Variants in TLE2 observed in about 807,000 individuals in gnomAD.
The protein encoded by TLE2 is TLE family member 2, transcriptional corepressor.
A neutral mutation model predicts 97.2 loss-of-function variants in TLE2; 74 were observed. That is an observed-to-expected ratio of 0.76 (90% CI 0.63 to 0.92). TLE2 has a LOEUF of 0.92. Among genes scored for constraint, TLE2 ranks in the 40% least tolerant of loss-of-function variants. The pLI, the probability that TLE2 is intolerant of heterozygous loss-of-function variation, is 0.00. For synonymous variants in TLE2, 499 were observed against 432.1 expected (o/e 1.15, Z -1.92); for missense variants, 1,038 against 1,008.7 (o/e 1.03, Z -0.39).
chr19:3,022,892 G>A (rs993653335), intron 5 of TLE2, among the ~76,000 whole-genome samples: 1 of 152,096 alleles, frequency 6.6e-6, no homozygotes, highest in Non-Finnish European at 1.5e-5. Flanking sequence ...CACTGTAATG[G>A]GAAAGCTGCT....
At chr19:3,031,175 A>G (rs987114751), upstream of TLE2, among the ~76,000 whole-genome samples, 8 of 152,172 alleles carry the variant, frequency 5.3e-5, no homozygotes, top group Admixed American at 3.3e-4. Flanking sequence ...AGACAGAGGA[A>G]GAGTTTAGAG....
rs567058275 is a variant in TLE2 at position 3,013,924 on chromosome 19, C to T, written c.724-106G>A. On this transcript the variant is annotated intron_variant, in intron 10 of 19. Transcript: ENST00000262953. ...CACCCCAATCTCTAGAATGGGTACCCATGACCCACCATGGGAAGATTATGA... is the reference window on the plus strand; with the variant it reads ...CACCCCAATCTCTAGAATGGGTACCTATGACCCACCATGGGAAGATTATGA... The T allele has an allele frequency of 2.0e-5, 21 of 1,064,240 alleles. No individual in the cohort carries two copies. The South Asian group carries it at 7.2e-4, about 37-fold the overall frequency. The allele number at this position is 1,064,240 out of a possible 1,614,324, so 65.9% of individuals were successfully genotyped here. A position where few individuals can be genotyped will look rare whatever the true frequency, so the allele number is the denominator to read the frequency against.
intron 2 of TLE2, 56 bp from the exon 3 acceptor site, chr19:3,028,438 C>T (rs931490905): frequency 6.6e-6 from 10 of 1,520,022 alleles, no homozygotes; most frequent in African/African-American, 1.4e-5. Flanking sequence ...GGCCGGCTTC[C>T]AAAGTGAGAG....
intron 16 of TLE2, 59 bp downstream of exon 16, chr19:3,005,661 TC>T: frequency 6.2e-7 from 1 of 1,604,514 alleles, no homozygotes; most frequent in African/African-American, 1.3e-5. Flanking sequence ...ACTCCTCCAC[TC>T]CCCCTGCACC....
intron 17 of TLE2, among the ~76,000 whole-genome samples, 193 bp from the exon 18 acceptor site, chr19:3,002,696 G>A (rs2089390596): frequency 6.7e-6 from 1 of 149,906 alleles, no homozygotes; most frequent in African/African-American, 2.5e-5. Flanking sequence ...CCATCACGCT[G>A]GATAATCTTT....
intron 5 of TLE2, chr19:3,020,209 C>A: frequency 5.7e-6 from 1 of 175,454 alleles, no homozygotes; most frequent in East Asian, 1.6e-4. Flanking sequence ...GCATTCCAGC[C>A]TGGGTGACAG....
chr19:3,007,013 A>T lies in TLE2; in HGVS notation c.1251-344T>A, dbSNP rs186127718. Among the ~76,000 whole-genome samples the T allele has an allele frequency of 4.0e-5, 6 of 150,090 alleles. No individual in the cohort carries two copies. The East Asian group carries it at 1.0e-3, about 25-fold the overall frequency. The stretch of plus-strand genomic sequence containing the variant: ...TTGGCCAGGCTGGTTTTGAACTCCT[A>T]ACCTCAAGTGATCTGCCCGCCTCGG... On this transcript the variant is annotated intron_variant, in intron 14 of 19. Coordinates refer to ENST00000262953, the MANE Select transcript of TLE2 (RefSeq NM_003260.5).
At chr19:3,009,491 C>T (rs1395015397) in intron 13 of TLE2, 51 bp downstream of exon 13, 2 of 1,531,334 alleles carry the variant, frequency 1.3e-6, no homozygotes, top group Non-Finnish European at 1.8e-6. Context: ...CTCCCGGCCC[C>T]CAGCCCCTGG....
chr19:3,008,408 C>T (rs1345182103), intron 14 of TLE2, among the ~76,000 whole-genome samples: 1 of 152,100 alleles, frequency 6.6e-6, no homozygotes, highest in African/African-American at 2.4e-5. Context: ...CTATGGAGAG[C>T]CAGTGGAACT....
At chr19:3,020,325 G>A (rs1336392724) in intron 5 of TLE2, 1 of 153,550 alleles carries the variant, frequency 6.5e-6, no homozygotes, top group Admixed American at 6.5e-5. Flanking sequence ...GTTCTCTGGG[G>A]CGGGGCTGTT....
intron 14 of TLE2, among the ~76,000 whole-genome samples, chr19:3,008,013 T>C (rs1376724753): frequency 6.6e-6 from 1 of 151,752 alleles, no homozygotes; most frequent in Non-Finnish European, 1.5e-5. Flanking sequence ...ACCCAGGAGG[T>C]GGAGGTTGCA....
At chr19:3,046,069 T>C (rs72973282), upstream of TLE2, among the ~76,000 whole-genome samples, 22,749 of 152,236 alleles carry the variant, frequency 0.15, 2,215 homozygotes, top group Non-Finnish European at 0.22. Flanking sequence ...TTTGCCTTCC[T>C]AATTAGTCTG....
chr19:3,000,638 G>A lies in TLE2; in HGVS notation c.2124+9C>T, dbSNP rs767574323. ...CCTGCCAGAGTGGGGGCTCCAGACC[G>A]CCGAGTACCTGGAAAATGCTGGCCC... On this transcript the variant is annotated intron_variant, in intron 19 of 19. Coordinates refer to ENST00000262953, the MANE Select transcript of TLE2 (RefSeq NM_003260.5). 46 of 1,574,784 alleles carry A rather than the reference G, an allele frequency of 2.9e-5. No individual in the cohort carries two copies. Among genetic ancestry groups the A allele is most frequent in the Middle Eastern group, 1.7e-4 (1 of 5,744 alleles).
In TLE2 at chr19:3,019,761, C is replaced by G; in HGVS notation, c.307G>C (p.Val103Leu). ...TTGGCGCGTTCTACGGCCTGGAGCA[C>G]CTGCTGCTGATGCTGGCGGGTGGAA... ...PFLTQEHQQQVLQAVERAKQV... is the reference protein window; with the variant it reads ...PFLTQEHQQQLLQAVERAKQV... The change falls in exon 6 of 20, where the codon GTG (valine) becomes CTG (leucine). Residue 103 changes from valine (V) to leucine (L), a missense_variant. Val to Leu is a conservative substitution (Grantham distance 32). Transcript: ENST00000262953. The surrounding 1 kb of genome is among the most constrained non-coding windows in gnomAD (Gnocchi z 5.1). The G allele has an allele frequency of 3.7e-6, 6 of 1,613,118 alleles. No individual in the cohort carries two copies. The highest frequency in any genetic ancestry group is 5.1e-6 in the Non-Finnish European group (6 of 1,179,654).
intron 1 of TLE2, among the ~76,000 whole-genome samples, chr19:3,043,476 C>T (rs1218644702): frequency 6.6e-6 from 1 of 151,452 alleles, no homozygotes; most frequent in Non-Finnish European, 1.5e-5. Context: ...CGCGCCATGC[C>T]TGGCCTCTGC....
intron 5 of TLE2, among the ~76,000 whole-genome samples, chr19:3,022,422 G>A (rs1224679223): frequency 1.3e-5 from 2 of 151,374 alleles, no homozygotes; most frequent in African/African-American, 4.9e-5. Context: ...CCAACTACTC[G>A]GGAGGCTGAG....
chr19:3,036,325 C>T (rs1375873512), intron 1 of TLE2, among the ~76,000 whole-genome samples: 1 of 152,242 alleles, frequency 6.6e-6, no homozygotes, highest in Non-Finnish European at 1.5e-5. Context: ...AACGTGGGTA[C>T]CTCTCCGGCC....
rs527843120 is a variant in TLE2, at chr19:3,013,942, G to C, written c.724-124C>G. The C allele has an allele frequency of 4.1e-6, 4 of 987,624 alleles. No individual in the cohort carries two copies. The Admixed American group carries it at 1.2e-4, about 29-fold the overall frequency. The allele number at this position is 987,624 out of a possible 1,614,324, so 61.2% of individuals were successfully genotyped here. On this transcript the variant is annotated intron_variant, in intron 10 of 19. Transcript: ENST00000262953. ...GGGTACCCATGACCCACCATGGGAA[G>C]ATTATGAAATCTTCTGCTGCCTCAG...
intron 2 of TLE2, 112 bp from the exon 3 acceptor site, chr19:3,028,494 C>T: frequency 2.6e-6 from 3 of 1,162,334 alleles, no homozygotes; most frequent in Non-Finnish European, 3.6e-6. Context: ...CCCCCCACCT[C>T]CTGTCCCAGT....
Sources: allele counts gnomAD v4.1 joint callset (sites outside exome capture counted in the v4.1 genomes callset), GRCh38; gene constraint gnomAD v4.1.1; non-coding constraint Gnocchi (gnomAD v3.1); transcripts MANE v1.5; gene names NCBI Gene and HGNC (gene_info 2026-07-23, HGNC 2026-07-21).